The following SLCO5A1 variants were observed in gnomAD, a reference collection of about 807,000 sequenced individuals.
SLCO5A1 encodes the protein organic anion transporter polypeptide-related protein 4.
A neutral mutation model predicts 65.1 loss-of-function variants in SLCO5A1; 39 were observed. The observed-to-expected ratio is 0.60, with a 90% CI of 0.46 to 0.78. The LOEUF (loss-of-function observed/expected upper bound fraction) is 0.78, where lower values mean the gene tolerates loss of function less well. SLCO5A1 is among the 30% of genes least tolerant of loss of function. The probability of loss-of-function intolerance (pLI) is 0.00; values close to 1 mark genes in which losing one functional copy is unlikely to be tolerated. For synonymous variants in SLCO5A1, 438 were observed against 415.7 expected (o/e 1.05, Z -0.65); for missense variants, 1,029 against 1,069.4 (o/e 0.96, Z 0.53).
chr8:69,832,505 C>A lies in SLCO5A1; in HGVS notation c.169G>T (p.Ala57Ser). The change falls in exon 2 of 10, where the codon GCC (alanine) becomes TCC (serine). Residue 57 changes from alanine to serine, a missense_variant. This residue lies in a region of SLCO5A1 where 647 missense variants were observed against 647.5 expected (regional missense o/e 1.00). Transcript: ENST00000260126. This position sits in a 1 kb window ranked among gnomAD's most constrained non-coding sequence, Gnocchi z 4.5. Reference sequence around the variant, plus strand: ...TCCACACAGCCAAAGGCCGGGTTGGCGTCTCCACTAGTGGGACTGAGGCTT... The same window carrying A: ...TCCACACAGCCAAAGGCCGGGTTGGAGTCTCCACTAGTGGGACTGAGGCTT... Reference protein sequence around the residue: ...RPSLSPTSGDANPAFGCVDSS... With the variant: ...RPSLSPTSGDSNPAFGCVDSS... 1 of 1,609,246 alleles carries A rather than the reference C, an allele frequency of 6.2e-7. No individual in the cohort carries two copies.
chr8:69,815,489 T>G (rs959888528), intron 2 of SLCO5A1, among the ~76,000 whole-genome samples: 3 of 152,274 alleles, frequency 2.0e-5, no homozygotes, highest in Admixed American at 2.0e-4. Flanking sequence ...TTATAACTCC[T>G]CATTAAATCT....
intron 8 of SLCO5A1, among the ~76,000 whole-genome samples, chr8:69,678,645 C>T (rs558412178): frequency 1.3e-5 from 2 of 152,162 alleles, no homozygotes; most frequent in East Asian, 1.9e-4. Flanking sequence ...ATCTGTATCA[C>T]GTTATTGCAG....
At chr8:69,683,495 C>T (rs1274666735) in intron 6 of SLCO5A1, among the ~76,000 whole-genome samples, 1 of 152,114 alleles carries the variant, frequency 6.6e-6, no homozygotes, top group Non-Finnish European at 1.5e-5. Context: ...AACCCATCAC[C>T]TGACTGATGT....
intron 2 of SLCO5A1, among the ~76,000 whole-genome samples, chr8:69,775,283 G>T (rs1028262236): frequency 6.6e-6 from 1 of 152,166 alleles, no homozygotes; most frequent in Non-Finnish European, 1.5e-5. Context: ...AGAATAATGT[G>T]TTCCCTAAAA....
intron 5 of SLCO5A1, chr8:69,719,627 T>C (rs1815724126): frequency 6.6e-6 from 1 of 152,368 alleles, no homozygotes; most frequent in South Asian, 2.1e-4. Context: ...GAATATTAAC[T>C]GTCTCTCCCA....
intron 6 of SLCO5A1, among the ~76,000 whole-genome samples, chr8:69,690,058 G>T (rs181600180): frequency 0.018 from 2,652 of 147,088 alleles, 25 homozygotes; most frequent in Non-Finnish European, 0.028. Flanking sequence ...GGTACGGGGG[G>T]GCGCCAGGGG....
At chr8:69,739,158 GT>G (rs1816692570) in intron 4 of SLCO5A1, among the ~76,000 whole-genome samples, 1 of 152,188 alleles carries the variant, frequency 6.6e-6, no homozygotes. Context: ...ACATATATGT[GT>G]GTAATTCTAT....
rs16936390 is a variant in SLCO5A1, at chr8:69,736,959, A to G, written c.1423+1081T>C. 6.5e-3 allele frequency among the ~76,000 whole-genome samples: 991 copies of G among 152,346 alleles called. 14 individuals are homozygous for G. The highest frequency in any genetic ancestry group is 0.02 in the African/African-American group (843 of 41,572). On this transcript the variant is annotated intron_variant, in intron 5 of 9. Transcript: ENST00000260126. ...TTAGATTTTCTCACAACCAAACTAT[A>G]AAATAATCTGGAAATTTTACCTTAA...
intron 5 of SLCO5A1, among the ~76,000 whole-genome samples, chr8:69,723,017 A>G (rs1186436417): frequency 6.6e-6 from 1 of 152,192 alleles, no homozygotes; most frequent in Non-Finnish European, 1.5e-5. Context: ...ATGTTAGTAT[A>G]AGACACAACA....
chr8:69,689,630 TC>T (rs1814155481), intron 6 of SLCO5A1, among the ~76,000 whole-genome samples: 1 of 138,520 alleles, frequency 7.2e-6, no homozygotes, highest in African/African-American at 2.9e-5. Context: ...GTCAGGTTTG[TC>T]AAAGATCAGA....
chr8:69,773,904 G>A (rs1818449903), intron 2 of SLCO5A1, among the ~76,000 whole-genome samples: 1 of 151,820 alleles, frequency 6.6e-6, no homozygotes, highest in South Asian at 2.1e-4. Flanking sequence ...AAGCCACAGT[G>A]TTCCACACAT....
At chr8:69,834,369 A>C (rs1288725746) in intron 1 of SLCO5A1, 1 of 152,582 alleles carries the variant, frequency 6.6e-6, no homozygotes, top group East Asian at 1.9e-4. Flanking sequence ...AGAAAGGAGG[A>C]AGGGCAAGGG....
At chr8:69,775,975 C>T (rs1039134066) in intron 2 of SLCO5A1, among the ~76,000 whole-genome samples, 1 of 152,034 alleles carries the variant, frequency 6.6e-6, no homozygotes, top group Non-Finnish European at 1.5e-5. Flanking sequence ...GATTGTGCCA[C>T]TGCAATCCAG....
chr8:69,758,186 A>G (rs938704925), intron 3 of SLCO5A1, among the ~76,000 whole-genome samples: 2 of 152,038 alleles, frequency 1.3e-5, no homozygotes, highest in Non-Finnish European at 2.9e-5. Flanking sequence ...TTATTTATTT[A>G]TCTTGATTTT....
intron 2 of SLCO5A1, among the ~76,000 whole-genome samples, chr8:69,764,747 C>T (rs937584852): frequency 7.2e-5 from 11 of 152,118 alleles, no homozygotes; most frequent in African/African-American, 1.2e-4. Flanking sequence ...CCAGACAAAC[C>T]GGCATCATTA....
At chr8:69,770,711 A>G (rs1252992058) in intron 2 of SLCO5A1, among the ~76,000 whole-genome samples, 1 of 152,128 alleles carries the variant, frequency 6.6e-6, no homozygotes, top group African/African-American at 2.4e-5. Flanking sequence ...GTGGCTCTCA[A>G]GAAGCCTGGC....
At chr8:69,763,512 T>C (rs753316885) in intron 2 of SLCO5A1, among the ~76,000 whole-genome samples, 35 of 145,014 alleles carry the variant, frequency 2.4e-4, no homozygotes, top group Non-Finnish European at 3.6e-4. Context: ...CTATGCTGGG[T>C]GGGAGGCTGA....
At chr8:69,722,507 G>A (rs1217677525) in intron 5 of SLCO5A1, among the ~76,000 whole-genome samples, 3 of 151,850 alleles carry the variant, frequency 2.0e-5, no homozygotes, top group Non-Finnish European at 2.9e-5. Context: ...CCCATTTTTT[G>A]TATAAGGAAA....
At chr8:69,735,398 A>G (rs542538872) in intron 5 of SLCO5A1, among the ~76,000 whole-genome samples, 32 of 152,362 alleles carry the variant, frequency 2.1e-4, no homozygotes, top group African/African-American at 6.0e-4. Flanking sequence ...TATTTACAAT[A>G]GCAAAGACAT....
Sources: allele counts gnomAD v4.1 joint callset (sites outside exome capture counted in the v4.1 genomes callset), GRCh38; gene constraint gnomAD v4.1.1; regional missense constraint gnomAD v4.1.1; non-coding constraint Gnocchi (gnomAD v3.1); transcripts MANE v1.5; gene names NCBI Gene and HGNC (gene_info 2026-07-23, HGNC 2026-07-21).